ABTB1: variants seen among roughly 807,000 people sequenced by gnomAD.
The protein encoded by ABTB1 is ankyrin repeat and BTB domain containing 1.
Under a neutral mutation model 57.1 loss-of-function variants are expected in ABTB1, and 45 were observed. The ratio of observed to expected loss-of-function variants is 0.79; its 90% confidence interval spans 0.62 to 1.01. The LOEUF is 1.01. Ranked by LOEUF, ABTB1 falls within the 50% of genes least tolerant of loss-of-function variation. ABTB1 has a pLI of 0.00. For missense variants in ABTB1, 630 were observed against 666.3 expected, an observed-to-expected ratio of 0.95 and a Z score of 0.60; for synonymous variants, 302 against 275.4, an observed-to-expected ratio of 1.10 and a Z score of -0.95.
rs748510920 is a variant in ABTB1 at position 127,674,617 on chromosome 3, C to T, written c.175+17C>T. The stretch of plus-strand genomic sequence containing the variant: ...TGGCCAATGGTGAGAGCAGGGAGCC[C>T]GGCTCACGGGTGTGCGTGGGTGCAT... On this transcript the variant is annotated intron_variant, in intron 3 of 11. Transcript: ENST00000232744. 1.3e-5 allele frequency: 21 copies of T among 1,614,082 alleles called. No homozygotes were observed. Among genetic ancestry groups the T allele is most frequent in the East Asian group, 8.9e-5 (4 of 44,880 alleles).
Position 127,676,525 on chromosome 3 carries a change from T to A in ABTB1, c.481-11T>A, listed in dbSNP as rs1245366642. 6.2e-7 allele frequency: 1 copy of A among 1,614,146 alleles called. No homozygotes were observed. Among genetic ancestry groups the A allele is most frequent in the African/African-American group, 1.3e-5 (1 of 75,016 alleles). On this transcript the variant is annotated splice_polypyrimidine_tract_variant and intron_variant, in intron 5 of 11. Transcript: ENST00000232744. This position sits in a 1 kb window ranked among gnomAD's most constrained non-coding sequence, Gnocchi z 5.4. ...TGCCTCTGACATTACTTTCTGGTTT[T>A]CTGCCCACAGATCAACCCCGTGGCC...
chr3:127,676,825 T>G lies in ABTB1; in HGVS notation c.527-142T>G, dbSNP rs1047371350. 3.1e-5 allele frequency: 29 copies of G among 927,242 alleles called. No homozygotes were observed. The highest frequency in any genetic ancestry group is 3.7e-5 in the Non-Finnish European group (23 of 620,776). The allele number at this position is 927,242 out of a possible 1,614,324, so 57.4% of individuals were successfully genotyped here. A position where few individuals can be genotyped will look rare whatever the true frequency, so the allele number is the denominator to read the frequency against. On this transcript the variant is annotated intron_variant, in intron 6 of 11. Coordinates refer to ENST00000232744, the MANE Select transcript of ABTB1 (RefSeq NM_172027.3). This position sits in a 1 kb window ranked among gnomAD's most constrained non-coding sequence, Gnocchi z 5.4. ...TCCCTGGGGCCTGTAGAACAGCTTT[T>G]GATGGGGAAACCATGGTGGCAAGTG...
At chr3:127,675,762 A>G in intron 3 of ABTB1, 1 of 624,012 alleles carries the variant, frequency 1.6e-6, no homozygotes, top group South Asian at 2.0e-5. Context: ...GTGAGTGAGT[A>G]TGTGCCTGTG....
At chr3:127,679,896 C>T (rs2075086226) in intron 10 of ABTB1, 89 bp from the exon 11 acceptor site, 1 of 1,389,036 alleles carries the variant, frequency 7.2e-7, no homozygotes, top group Non-Finnish European at 1.0e-6. Flanking sequence ...CCAGTGCCCC[C>T]CAACCACCAC....
In ABTB1 at chr3:127,676,121, C is replaced by G. The variant is rs200218625; in HGVS notation, c.320+7C>G. 1 of 1,612,752 alleles carries G rather than the reference C, an allele frequency of 6.2e-7. No homozygotes were observed. Among genetic ancestry groups the G allele is most frequent in the African/African-American group, 1.3e-5 (1 of 74,876 alleles). On this transcript the variant is annotated splice_region_variant and intron_variant, in intron 4 of 11. Transcript: ENST00000232744. The surrounding 1 kb of genome is among the most constrained non-coding windows in gnomAD (Gnocchi z 5.4). ...ATGACGACTTCTTGCAGCGGTGAGC[C>G]AGGGCACACGAGGGGTGCAGCATGG...
Position 127,672,969 on chromosome 3 carries a change from C to T in ABTB1, c.-57C>T. The T allele has an allele frequency of 6.6e-7, 1 of 1,511,448 alleles. No individual in the cohort carries two copies. The highest frequency in any genetic ancestry group is 8.9e-7 in the Non-Finnish European group (1 of 1,125,516). 93.6% of individuals were successfully genotyped at this position (1,511,448 alleles called of 1,614,324 possible). A position where few individuals can be genotyped will look rare whatever the true frequency, so the allele number is the denominator to read the frequency against. ...GCGGGGCTGAGCGTGTTTACATCCG[C>T]CGGGTGCGCGGCTTCGCCGCCCGAG... On this transcript the variant is annotated 5_prime_UTR_variant, in exon 1 of 12. Transcript: ENST00000232744.
At position 127,677,804 on chromosome 3, in the gene ABTB1, C is replaced by T. The variant is rs201532268; in HGVS notation, c.990C>T (p.Phe330=). Residue 330 remains phenylalanine, a synonymous_variant, in exon 10 of 12, where the codon TTC becomes TTT. Transcript: ENST00000232744. ...TGCATGGCATCTCACCCGACGTCTT[C>T]ACTCACGTGCTCTACTACATGTACA... ...VTLHGISPDV[F]THVLYYMYSD... 443 of 1,612,540 alleles carry T rather than the reference C, an allele frequency of 2.7e-4. 3 individuals are homozygous for T. The highest frequency in any genetic ancestry group is 3.3e-4 in the Non-Finnish European group (390 of 1,179,704).
chr3:127,677,989 A>T, intron 10 of ABTB1, 146 bp downstream of exon 10: 1 of 1,093,000 alleles, frequency 9.1e-7, no homozygotes, highest in Non-Finnish European at 1.3e-6. Flanking sequence ...AGGCTGTGGG[A>T]CTTTGGATTT....
rs752738044 is a variant in ABTB1, at chr3:127,680,790, G to A, written c.*315G>A. The stretch of plus-strand genomic sequence containing the variant: ...CTCCAGATCCCCCCTACCCACCCCA[G>A]TCCCAAATCCAGTCCTCTGGCCCTT... On this transcript the variant is annotated 3_prime_UTR_variant, in exon 12 of 12. Coordinates refer to ENST00000232744, the MANE Select transcript of ABTB1 (RefSeq NM_172027.3). 3.0e-6 allele frequency: 2 copies of A among 661,510 alleles called. No homozygotes were observed. The highest frequency in any genetic ancestry group is 3.6e-5 in the South Asian group (2 of 56,020). The allele number at this position is 661,510 out of a possible 1,614,324, so 41.0% of individuals were successfully genotyped here. A position where few individuals can be genotyped will look rare whatever the true frequency, so the allele number is the denominator to read the frequency against.
rs1205916866 is a variant in ABTB1 at position 127,680,723 on chromosome 3, A to G, written c.*248A>G. The G allele has an allele frequency of 1.5e-5, 10 of 680,612 alleles. No individual in the cohort carries two copies. The allele number at this position is 680,612 out of a possible 1,614,324, so 42.2% of individuals were successfully genotyped here. A position where few individuals can be genotyped will look rare whatever the true frequency, so the allele number is the denominator to read the frequency against. ...CCCTGGGGGTGGACACCACTCAGGGAAACCTGGGGTGGGGGTGGGCTTTGG... is the reference window on the plus strand; with the variant it reads ...CCCTGGGGGTGGACACCACTCAGGGGAACCTGGGGTGGGGGTGGGCTTTGG... On this transcript the variant is annotated 3_prime_UTR_variant, in exon 12 of 12. Transcript: ENST00000232744.
At position 127,674,554 on chromosome 3, in the gene ABTB1, C is replaced by G. The variant is rs1282344905; in HGVS notation, c.129C>G (p.Ala43=). Reference sequence around the variant, plus strand: ...TCCTTCCTCCCTTCAGGTACTATGCCTGCTTGTGTGGGCACGAGGAGCTGG... The same window carrying G: ...TCCTTCCTCCCTTCAGGTACTATGCGTGCTTGTGTGGGCACGAGGAGCTGG... The part of the protein sequence containing the change: ...DKWDSTPLYY[A]CLCGHEELVL... Residue 43 remains alanine (A), a synonymous_variant, in exon 3 of 12, where the codon GCC becomes GCG. Coordinates refer to ENST00000232744, the MANE Select transcript of ABTB1 (RefSeq NM_172027.3). 6.2e-7 allele frequency: 1 copy of G among 1,614,060 alleles called. No individual in the cohort carries two copies. The highest frequency in any genetic ancestry group is 8.5e-7 in the Non-Finnish European group (1 of 1,180,030).
At position 127,680,793 on chromosome 3, in the gene ABTB1, C is replaced by G. The variant is rs758508564; in HGVS notation, c.*318C>G. Reference sequence around the variant, plus strand: ...CAGATCCCCCCTACCCACCCCAGTCCCAAATCCAGTCCTCTGGCCCTTGCC... The same window carrying G: ...CAGATCCCCCCTACCCACCCCAGTCGCAAATCCAGTCCTCTGGCCCTTGCC... On this transcript the variant is annotated 3_prime_UTR_variant, in exon 12 of 12. Transcript: ENST00000232744. The G allele has an allele frequency of 3.0e-5, 20 of 660,572 alleles. No individual in the cohort carries two copies. Among genetic ancestry groups the G allele is most frequent in the Non-Finnish European group, 4.6e-5 (17 of 370,592 alleles). The allele number at this position is 660,572 out of a possible 1,614,324, so 40.9% of individuals were successfully genotyped here.
chr3:127,678,146 CTG>C (rs1172301649), intron 10 of ABTB1: 1 of 341,076 alleles, frequency 2.9e-6, no homozygotes, highest in Admixed American at 4.3e-5. Context: ...AGCCTCCTCT[CTG>C]TGGTGCTGCA....
In ABTB1 at chr3:127,677,277, C is replaced by A; in HGVS notation, c.753C>A (p.Pro251=). The A allele has an allele frequency of 6.3e-7, 1 of 1,589,598 alleles. No homozygotes were observed. Among genetic ancestry groups the A allele is most frequent in the African/African-American group, 1.3e-5 (1 of 74,686 alleles). Residue 251 remains proline (P), a synonymous_variant, in exon 8 of 12, where the codon CCC becomes CCA. Coordinates refer to ENST00000232744, the MANE Select transcript of ABTB1 (RefSeq NM_172027.3). ...MALLADCALP[P]ELRGDLWELP... is the part of the protein sequence containing the mutation. Reference sequence around the variant, plus strand: ...TGCTGGCCGATTGTGCCCTGCCCCCCGAGCTCCGAGTAAGTGCGGGGCTGG... The same window carrying A: ...TGCTGGCCGATTGTGCCCTGCCCCCAGAGCTCCGAGTAAGTGCGGGGCTGG...
Position 127,675,953 on chromosome 3 carries a change from A to G in ABTB1, c.176-17A>G. The G allele has an allele frequency of 1.3e-6, 2 of 1,598,234 alleles. No homozygotes were observed. The highest frequency in any genetic ancestry group is 1.7e-6 in the Non-Finnish European group (2 of 1,168,504). On this transcript the variant is annotated splice_polypyrimidine_tract_variant and intron_variant, in intron 3 of 11. Coordinates refer to ENST00000232744, the MANE Select transcript of ABTB1 (RefSeq NM_172027.3). ...CAGGCCCCTTCCCTGCTAACTGGTG[A>G]GCCCTGCCTCCCCCAGGAGCCCGCT...
chr3:127,677,439 ATGGG>A (rs1449091590), intron 8 of ABTB1, 22 bp from the exon 9 acceptor site: 1 of 1,610,790 alleles, frequency 6.2e-7, no homozygotes. Flanking sequence ...AACTGCTCTG[ATGGG>A]GTCACCTCTT....
intron 10 of ABTB1, chr3:127,678,293 TGA>T (rs112507204): frequency 5.9e-4 from 108 of 183,710 alleles, no homozygotes; most frequent in Middle Eastern, 2.5e-3. Flanking sequence ...CCAGGGTGTG[TGA>T]GAGAGAGAGA....
chr3:127,676,828 T>TG lies in ABTB1; in HGVS notation c.527-135dup, dbSNP rs2074994073. On this transcript the variant is annotated intron_variant, in intron 6 of 11. Transcript: ENST00000232744. This position sits in a 1 kb window ranked among gnomAD's most constrained non-coding sequence, Gnocchi z 5.4. Reference sequence around the variant, plus strand: ...CTGGGGCCTGTAGAACAGCTTTTGATGGGGAAACCATGGTGGCAAGTGGGC... The same window carrying TG: ...CTGGGGCCTGTAGAACAGCTTTTGATGGGGGAAACCATGGTGGCAAGTGGGC... 1 of 933,694 alleles carries TG rather than the reference T, an allele frequency of 1.1e-6. No individual in the cohort carries two copies. The highest frequency in any genetic ancestry group is 1.6e-6 in the Non-Finnish European group (1 of 628,506). The allele number at this position is 933,694 out of a possible 1,614,324, so 57.8% of individuals were successfully genotyped here.
At chr3:127,673,106 G>A (rs1269117065) in intron 1 of ABTB1, 25 bp downstream of exon 1, 2 of 1,519,052 alleles carry the variant, frequency 1.3e-6, no homozygotes, top group Non-Finnish European at 1.8e-6. Flanking sequence ...GTCCCGGGGA[G>A]GGTGCGGGAG....
Sources: gnomAD v4.1 joint callset for allele counts on GRCh38, gnomAD v4.1.1 for gene constraint, Gnocchi (gnomAD v3.1) non-coding constraint, MANE v1.5 for transcripts, NCBI Gene and HGNC (gene_info 2026-07-23, HGNC 2026-07-21) for gene names.